PPARGC1A: variants seen among roughly 807,000 people sequenced by gnomAD.
PPARGC1A encodes PPARG coactivator 1 alpha.
Under a neutral mutation model 88.7 loss-of-function variants are expected in PPARGC1A, and 25 were observed. The ratio of observed to expected loss-of-function variants is 0.28; its 90% CI spans 0.21 to 0.39. PPARGC1A has a LOEUF of 0.39. Ranked by LOEUF, PPARGC1A falls within the 10% of genes least tolerant of loss-of-function variation. The pLI is 1.00. For synonymous variants in PPARGC1A, 363 were observed against 355.6 expected (o/e 1.02, Z -0.24); for missense variants, 880 against 968.7 (o/e 0.91, Z 1.22).
the PPARGC1A span, among the ~76,000 whole-genome samples, chr4:24,452,340 T>C: frequency 2.0e-5 from 3 of 151,796 alleles, no homozygotes; most frequent in Non-Finnish European, 2.9e-5. Context: ...TAATACAGAC[T>C]ATCTAACATT....
chr4:23,997,406 T>A, the PPARGC1A span, among the ~76,000 whole-genome samples: 3 of 151,954 alleles, frequency 2.0e-5, no homozygotes, highest in South Asian at 2.1e-4. Flanking sequence ...TTAAGAGGCA[T>A]CCTGTTCTCT....
At chr4:24,216,142 C>CT in the PPARGC1A span, among the ~76,000 whole-genome samples, 482 of 83,222 alleles carry the variant, frequency 5.8e-3, 4 homozygotes, top group African/African-American at 0.019. Flanking sequence ...GCAGCTAACT[C>CT]TTTTTTTTTT....
the PPARGC1A span, among the ~76,000 whole-genome samples, chr4:24,067,360 G>T: frequency 6.6e-6 from 1 of 152,144 alleles, no homozygotes; most frequent in South Asian, 2.1e-4. Flanking sequence ...CTTTAAATAT[G>T]CTTTATAAAA....
chr4:23,812,869 T>A lies in PPARGC1A; in HGVS notation c.1899-2A>T, dbSNP rs1721189711. On this transcript the variant is annotated splice_acceptor_variant, in intron 9 of 12. Transcript: ENST00000264867. LOFTEE classifies it high-confidence loss of function. ...TGATATTCCTCGTAGCTGTCATACC[T>A]GGGAAACATAACTTTATCACTAAGT... 6.2e-7 allele frequency: 1 copy of A among 1,613,996 alleles called. No individual in the cohort carries two copies. The highest frequency in any genetic ancestry group is 1.6e-4 in the Middle Eastern group (1 of 6,062).
the PPARGC1A span, among the ~76,000 whole-genome samples, chr4:23,957,530 T>G: frequency 6.6e-6 from 1 of 152,124 alleles, no homozygotes; most frequent in Non-Finnish European, 1.5e-5. Flanking sequence ...GATTGAAACA[T>G]AGGTTTTAAA....
At chr4:24,171,985 C>T in the PPARGC1A span, among the ~76,000 whole-genome samples, 3 of 152,168 alleles carry the variant, frequency 2.0e-5, no homozygotes, top group African/African-American at 7.2e-5. Context: ...CATGACTTTC[C>T]ATAATGTAAG....
At chr4:24,080,821 C>T in the PPARGC1A span, among the ~76,000 whole-genome samples, 16 of 152,060 alleles carry the variant, frequency 1.1e-4, no homozygotes, top group Admixed American at 3.9e-4. Context: ...AGGATTTCAA[C>T]GCCACATTGA....
the PPARGC1A span, among the ~76,000 whole-genome samples, chr4:24,260,898 T>A: frequency 6.6e-6 from 1 of 152,220 alleles, no homozygotes; most frequent in East Asian, 1.9e-4. Flanking sequence ...CTGTTAGCCC[T>A]TGTAGCTAGA....
At chr4:23,873,642 C>T (rs1166145295) in intron 2 of PPARGC1A, among the ~76,000 whole-genome samples, 2 of 152,036 alleles carry the variant, frequency 1.3e-5, no homozygotes, top group African/African-American at 2.4e-5. Context: ...TCTATCTCAA[C>T]TAAGTTTGAA....
the PPARGC1A span, among the ~76,000 whole-genome samples, chr4:24,161,689 C>T: frequency 2.6e-5 from 4 of 152,040 alleles, no homozygotes; most frequent in Admixed American, 2.0e-4. Flanking sequence ...AAGCTTCCTA[C>T]GTAGTTCAGA....
the PPARGC1A span, among the ~76,000 whole-genome samples, chr4:23,952,841 T>C: frequency 6.6e-6 from 1 of 152,072 alleles, no homozygotes; most frequent in African/African-American, 2.4e-5. Context: ...ATTTGTTCTC[T>C]TTACATGGAC....
chr4:24,463,785 GAAA>G, the PPARGC1A span, among the ~76,000 whole-genome samples: 3 of 151,664 alleles, frequency 2.0e-5, no homozygotes, highest in Non-Finnish European at 4.4e-5. Flanking sequence ...ATGGGAGTGG[GAAA>G]AAAAAGTCAA....
the PPARGC1A span, among the ~76,000 whole-genome samples, chr4:24,027,024 C>A: frequency 6.6e-6 from 1 of 152,034 alleles, no homozygotes. Flanking sequence ...TGGAGACATA[C>A]AAGGAAAGCT....
chr4:23,962,040 G>A, the PPARGC1A span, among the ~76,000 whole-genome samples: 1 of 152,120 alleles, frequency 6.6e-6, no homozygotes, highest in Non-Finnish European at 1.5e-5. Flanking sequence ...GTACGAAAAG[G>A]GTTAGGGGGA....
At chr4:24,225,777 G>A in the PPARGC1A span, among the ~76,000 whole-genome samples, 1 of 152,034 alleles carries the variant, frequency 6.6e-6, no homozygotes, top group Non-Finnish European at 1.5e-5. Flanking sequence ...AGAAAATCAA[G>A]AGTCACCCTT....
chr4:24,223,284 C>A, the PPARGC1A span, among the ~76,000 whole-genome samples: 2 of 134,140 alleles, frequency 1.5e-5, no homozygotes, highest in Non-Finnish European at 3.1e-5. Flanking sequence ...GAGTCTTGCT[C>A]TGTGGCCCAG....
chr4:24,403,438 T>C, the PPARGC1A span, among the ~76,000 whole-genome samples: 49 of 152,200 alleles, frequency 3.2e-4, no homozygotes, highest in African/African-American at 1.1e-3. Flanking sequence ...AGCCACCTTC[T>C]CAGGATGTGG....
chr4:24,046,763 C>T, the PPARGC1A span, among the ~76,000 whole-genome samples: 4 of 152,022 alleles, frequency 2.6e-5, no homozygotes, highest in Admixed American at 1.3e-4. Context: ...GGAATCTGAA[C>T]GATAATGACA....
chr4:24,461,626 T>C, the PPARGC1A span, among the ~76,000 whole-genome samples: 7 of 152,172 alleles, frequency 4.6e-5, no homozygotes, highest in Non-Finnish European at 1.0e-4. Flanking sequence ...TGTGTGTGTG[T>C]GTGACTTTTG....
Sources: gnomAD v4.1 joint callset for allele counts (sites outside exome capture counted in the v4.1 genomes callset) on GRCh38, gnomAD v4.1.1 for gene constraint, MANE v1.5 for transcripts, NCBI Gene and HGNC (gene_info 2026-07-23, HGNC 2026-07-21) for gene names.